The following CHD5 variants were observed in gnomAD, a reference collection of about 807,000 sequenced individuals.
The protein encoded by CHD5 is ATP-dependent chromatin remodeler CHD5.
CHD5 carries 69 observed loss-of-function variants against 230.3 expected under a neutral mutation model. The observed-to-expected ratio is 0.30, with a 90% CI of 0.25 to 0.37. The LOEUF (loss-of-function observed/expected upper bound fraction) is 0.37, where lower values mean the gene tolerates loss of function less well. CHD5 is among the 10% of genes least tolerant of loss of function. The pLI is 1.00. For synonymous variants in CHD5, 1,064 were observed against 1,065.9 expected (o/e 1.00, Z 0.03); for missense variants, 1,827 against 2,622.8 (o/e 0.70, Z 6.63).
Position 6,159,417 on chromosome 1 carries a change from TTTC to T in CHD5, c.303_305del (p.Lys102del), listed in dbSNP as rs751171506. 4.9e-5 allele frequency: 76 copies of T among 1,561,696 alleles called. No homozygotes were observed. Among genetic ancestry groups the T allele is most frequent in the East Asian group, 1.4e-4 (6 of 42,208 alleles). On this transcript the variant is annotated inframe_deletion, in exon 3 of 42. Coordinates refer to ENST00000262450, the MANE Select transcript of CHD5 (RefSeq NM_015557.3). ...CTTTTTTCTCCTTCTTGTCCTTGAG[TTTC>T]TTCTTCTTCTTTTTATTCGGGGAGT...
In CHD5 at chr1:6,130,089, C is replaced by T. The variant is rs1268620563; in HGVS notation, c.3387+115G>A. 3 of 1,264,710 alleles carry T rather than the reference C, an allele frequency of 2.4e-6. No individual in the cohort carries two copies. The African/African-American group carries it at 4.4e-5, about 18-fold the overall frequency. The allele number at this position is 1,264,710 out of a possible 1,614,324, so 78.3% of individuals were successfully genotyped here. ...CGAGACTCCACGGGGGAGGGAGGCC[C>T]ACAGCACCAGGATAGGTGAGGGGGT... On this transcript the variant is annotated intron_variant, in intron 22 of 41. Coordinates refer to ENST00000262450, the MANE Select transcript of CHD5 (RefSeq NM_015557.3). This position sits in a 1 kb window ranked among gnomAD's most constrained non-coding sequence, Gnocchi z 4.9.
In CHD5 at chr1:6,128,586, G is replaced by T. The variant is rs1323282584; in HGVS notation, c.3643C>A (p.Pro1215Thr). ...TGGACATCAGGGATGGGTGTGACCG[G>T]CCTCTGGCCCTGAGACATCATGCCT... ...VEGMMSQGQR[P>T]VTPIPDVQSS... Residue 1215 changes from proline to threonine, a missense_variant, in exon 24 of 42, where the codon CCG becomes ACG. Transcript: ENST00000262450. The surrounding 1 kb of genome is among the most constrained non-coding windows in gnomAD (Gnocchi z 7.8). 1 of 1,613,774 alleles carries T rather than the reference G, an allele frequency of 6.2e-7. No homozygotes were observed. Among genetic ancestry groups the T allele is most frequent in the Non-Finnish European group, 8.5e-7 (1 of 1,179,820 alleles).
chr1:6,139,471 A>G (rs1477725838), intron 15 of CHD5, among the ~76,000 whole-genome samples: 1 of 151,670 alleles, frequency 6.6e-6, no homozygotes, highest in Non-Finnish European at 1.5e-5. Flanking sequence ...TCCTGACTTC[A>G]GGTGACCCAC....
At chr1:6,119,864 A>ATTT (rs57522479) in intron 33 of CHD5, among the ~76,000 whole-genome samples, 85 of 137,420 alleles carry the variant, frequency 6.2e-4, no homozygotes, top group South Asian at 2.6e-3. Flanking sequence ...ATATATATAT[A>ATTT]TTTTTTTTTT....
chr1:6,176,549 C>CT (rs1004736415), intron 1 of CHD5, among the ~76,000 whole-genome samples: 1 of 152,214 alleles, frequency 6.6e-6, no homozygotes, highest in Non-Finnish European at 1.5e-5. Flanking sequence ...ACCCAGGCTC[C>CT]TACTCCCCTG....
chr1:6,125,626 C>T lies in CHD5; in HGVS notation c.4172-14G>A, dbSNP rs1666543477. 6 of 1,612,622 alleles carry T rather than the reference C, an allele frequency of 3.7e-6. No homozygotes were observed. The highest frequency in any genetic ancestry group is 4.2e-6 in the Non-Finnish European group (5 of 1,179,150). On this transcript the variant is annotated splice_polypyrimidine_tract_variant and intron_variant, in intron 27 of 41. Coordinates refer to ENST00000262450, the MANE Select transcript of CHD5 (RefSeq NM_015557.3). The surrounding 1 kb of genome is among the most constrained non-coding windows in gnomAD (Gnocchi z 6.7). ...GTCGTCGTCCACCTGGGGAGCAGCC[C>T]GCCACAGTTCCTCAGGTGGGAGCCC...
intron 31 of CHD5, among the ~76,000 whole-genome samples, chr1:6,122,887 T>C (rs904862019): frequency 6.6e-6 from 1 of 152,048 alleles, no homozygotes. Flanking sequence ...CTGGCCAACA[T>C]GGCGAAACCC....
rs1571133860 is a variant in CHD5, at chr1:6,106,275, G to T, written c.*5C>A. On this transcript the variant is annotated 3_prime_UTR_variant, in exon 41 of 42. Transcript: ENST00000262450. ...CGCTGCAACACAGGGAAGTCTCGAG[G>T]ACGGCTAGATATCTGTCAAAAAAAG... is the stretch of plus-strand genomic sequence containing the variant. 3 of 1,612,848 alleles carry T rather than the reference G, an allele frequency of 1.9e-6. No homozygotes were observed.
chr1:6,162,386 C>CAA (rs542447738), intron 2 of CHD5, among the ~76,000 whole-genome samples: 9 of 138,030 alleles, frequency 6.5e-5, no homozygotes, highest in African/African-American at 2.1e-4. Flanking sequence ...AACTCCATCT[C>CAA]AAAAAAAAAA....
At position 6,151,197 on chromosome 1, in the gene CHD5, C is replaced by T. The variant is rs6700735; in HGVS notation, c.871-42G>A. Reference sequence around the variant, plus strand: ...GGTCCTGTGATCCCAGGGCTTCACCCAGAAGGCTTCGCTGGCCCAGGCAGT... The same window carrying T: ...GGTCCTGTGATCCCAGGGCTTCACCTAGAAGGCTTCGCTGGCCCAGGCAGT... On this transcript the variant is annotated intron_variant, in intron 6 of 41. Transcript: ENST00000262450. The T allele has an allele frequency of 4.5e-6, 7 of 1,567,664 alleles. No homozygotes were observed. The Admixed American group carries it at 5.3e-5, about 12-fold the overall frequency.
At chr1:6,110,948 G>A (rs1202403072) in intron 36 of CHD5, among the ~76,000 whole-genome samples, 3 of 152,188 alleles carry the variant, frequency 2.0e-5, no homozygotes, top group Non-Finnish European at 4.4e-5. Flanking sequence ...GAAAATTTGG[G>A]GCCAGGCATG....
rs556628805 is a variant in CHD5, at chr1:6,103,187, T to A, written c.*2287A>T. The A allele has an allele frequency of 1.6e-3, 248 of 152,632 alleles. 1 individual carries two copies. The highest frequency in any genetic ancestry group is 2.8e-3 in the Non-Finnish European group (192 of 68,106). 9.5% of individuals were successfully genotyped at this position (152,632 alleles called of 1,614,324 possible). A position where few individuals can be genotyped will look rare whatever the true frequency, so the allele number is the denominator to read the frequency against. ...AGCCCCAAACCCGCTCTGACTCTAG[T>A]AGCCCACCCCTCCCGGGCCCCGGGG... is the stretch of plus-strand genomic sequence containing the variant. On this transcript the variant is annotated 3_prime_UTR_variant, in exon 42 of 42. Transcript: ENST00000262450.
chr1:6,107,336 TTGGAGGGA>T (rs1347607107), intron 38 of CHD5, among the ~76,000 whole-genome samples: 5 of 87,270 alleles, frequency 5.7e-5, no homozygotes, highest in African/African-American at 4.8e-5. Flanking sequence ...TGGTTGGATG[TTGGAGGGA>T]TGGAGGGATA....
At position 6,146,917 on chromosome 1, in the gene CHD5, C is replaced by T. The variant is rs369404336; in HGVS notation, c.1384-46G>A. 8.0e-5 allele frequency: 112 copies of T among 1,406,300 alleles called. No individual in the cohort carries two copies. The highest frequency in any genetic ancestry group is 9.2e-5 in the Non-Finnish European group (98 of 1,060,178). The allele number at this position is 1,406,300 out of a possible 1,614,324, so 87.1% of individuals were successfully genotyped here. ...CCAAGGTGGGGCTCAGCTGCAGGGCCCCACCCTGAGGCTCCCATGACAGCA... is the reference window on the plus strand; with the variant it reads ...CCAAGGTGGGGCTCAGCTGCAGGGCTCCACCCTGAGGCTCCCATGACAGCA... On this transcript the variant is annotated intron_variant, in intron 9 of 41. Coordinates refer to ENST00000262450, the MANE Select transcript of CHD5 (RefSeq NM_015557.3). The surrounding 1 kb of genome is among the most constrained non-coding windows in gnomAD (Gnocchi z 5.1).
rs532680779 is a variant in CHD5 at position 6,176,424 on chromosome 1, T to C, written c.79+3521A>G. On this transcript the variant is annotated intron_variant, in intron 1 of 41. Coordinates refer to ENST00000262450, the MANE Select transcript of CHD5 (RefSeq NM_015557.3). ...TGTGATTGAGGAAAAGCTGGGCCAA[T>C]GAGGCAGGGAATTTGCCAGCCCAGC... Among the ~76,000 whole-genome samples, 6 of 152,300 alleles carry C rather than the reference T, an allele frequency of 3.9e-5. No individual in the cohort carries two copies. In the East Asian group the frequency reaches 1.2e-3, roughly 29 times the overall value.
In CHD5 at chr1:6,111,845, C is replaced by G. The variant is rs750062959; in HGVS notation, c.5179G>C (p.Val1727Leu). The part of the protein sequence containing the change: ...TLWQNEERAA[V>L]SSGKIYDIWH... ...ATGTCGTAGATTTTCCCAGAGGATA[C>G]AGCAGCCCGCTCCTCGTTCTGCCAC... The change falls in exon 36 of 42, where the codon GTA (valine) becomes CTA (leucine). Residue 1727 changes from valine to leucine, a missense_variant. This residue lies in a region of CHD5 where 272 missense variants were observed against 263.2 expected (regional missense o/e 1.03). Transcript: ENST00000262450. 6 of 1,613,354 alleles carry G rather than the reference C, an allele frequency of 3.7e-6. No individual in the cohort carries two copies. The highest frequency in any genetic ancestry group is 5.1e-6 in the Non-Finnish European group (6 of 1,180,026).
At chr1:6,152,853 G>A (rs969252431) in intron 5 of CHD5, among the ~76,000 whole-genome samples, 1 of 152,196 alleles carries the variant, frequency 6.6e-6, no homozygotes, top group East Asian at 1.9e-4. Context: ...GGAGGCACTA[G>A]CCATCCCCCA....
intron 13 of CHD5, 43 bp downstream of exon 13, chr1:6,143,780 C>T (rs375870740): frequency 2.2e-5 from 34 of 1,541,704 alleles, no homozygotes; most frequent in African/African-American, 1.4e-5. Flanking sequence ...GGTGGGCAGG[C>T]CCTGGCAACC....
intron 3 of CHD5, among the ~76,000 whole-genome samples, chr1:6,156,071 T>C (rs1162609442): frequency 2.6e-5 from 4 of 152,272 alleles, no homozygotes; most frequent in African/African-American, 9.6e-5. Flanking sequence ...CATCCTGAGA[T>C]AGGGCTGCCC....
Sources: gnomAD v4.1 joint callset for allele counts (sites outside exome capture counted in the v4.1 genomes callset) on GRCh38, gnomAD v4.1.1 for gene constraint, gnomAD v4.1.1 regional missense constraint, Gnocchi (gnomAD v3.1) non-coding constraint, MANE v1.5 for transcripts, NCBI Gene and HGNC (gene_info 2026-07-23, HGNC 2026-07-21) for gene names.